Variants in TRDN observed in about 807,000 individuals in gnomAD.
TRDN encodes triadin in skeletal muscle.
Under a neutral mutation model 149.7 loss-of-function variants are expected in TRDN, and 161 were observed. The observed-to-expected ratio is 1.08, with a 90% CI of 0.95 to 1.23. The LOEUF is 1.23. Ranked by LOEUF, TRDN falls within the 50% of genes most tolerant of loss-of-function variation. The pLI is 0.00. For missense variants in TRDN, 896 were observed against 823.5 expected (o/e 1.09, Z -1.08); for synonymous variants, 294 against 250.5 (o/e 1.17, Z -1.64).
At chr6:123,457,929 T>C (rs1776227205) in intron 10 of TRDN, among the ~76,000 whole-genome samples, 1 of 152,180 alleles carries the variant, frequency 6.6e-6, no homozygotes, top group Non-Finnish European at 1.5e-5. Flanking sequence ...TCTTTTTTCT[T>C]CCGAAAGCAC....
intron 20 of TRDN, among the ~76,000 whole-genome samples, chr6:123,355,807 T>A (rs1364955653): frequency 6.6e-6 from 1 of 151,774 alleles, no homozygotes; most frequent in Non-Finnish European, 1.5e-5. Flanking sequence ...TCAAATATGT[T>A]AAAATGTAAG....
chr6:123,544,613 G>A (rs144976438), intron 4 of TRDN, among the ~76,000 whole-genome samples: 32 of 152,028 alleles, frequency 2.1e-4, no homozygotes, highest in East Asian at 1.7e-3. Context: ...AATTTTTTCC[G>A]AAAATGTGAT....
At chr6:123,354,825 T>C (rs1780597872) in intron 20 of TRDN, among the ~76,000 whole-genome samples, 1 of 151,760 alleles carries the variant, frequency 6.6e-6, no homozygotes, top group Non-Finnish European at 1.5e-5. Flanking sequence ...AATAGGACTC[T>C]GGAAGCACAA....
chr6:123,295,970 G>GA (rs1027670202), intron 24 of TRDN, among the ~76,000 whole-genome samples: 558 of 129,958 alleles, frequency 4.3e-3, no homozygotes, highest in Non-Finnish European at 6.6e-3. Flanking sequence ...GTCTCAAACA[G>GA]AAAAAAAAAA....
chr6:123,603,471 T>C (rs1477140595), intron 1 of TRDN, among the ~76,000 whole-genome samples: 1 of 152,122 alleles, frequency 6.6e-6, no homozygotes, highest in Non-Finnish European at 1.5e-5. Flanking sequence ...TGTTTTGTTT[T>C]TATACCATAG....
At chr6:123,462,815 T>C (rs1222134779) in intron 10 of TRDN, 1 of 152,086 alleles carries the variant, frequency 6.6e-6, no homozygotes, top group African/African-American at 2.4e-5. Flanking sequence ...ACTAAATATG[T>C]CCTAGCTCCT....
intron 12 of TRDN, among the ~76,000 whole-genome samples, chr6:123,410,154 T>G (rs1184934530): frequency 6.6e-6 from 1 of 152,182 alleles, no homozygotes; most frequent in Non-Finnish European, 1.5e-5. Flanking sequence ...GTGAAATCAT[T>G]GATGCAGAAT....
intron 1 of TRDN, among the ~76,000 whole-genome samples, chr6:123,634,653 A>T (rs1786198463): frequency 6.6e-6 from 1 of 151,906 alleles, no homozygotes; most frequent in Admixed American, 6.6e-5. Context: ...GTGTGAAAAA[A>T]CTTTGGATAT....
intron 40 of TRDN, among the ~76,000 whole-genome samples, chr6:123,219,264 G>A (rs1235919083): frequency 6.6e-6 from 1 of 151,820 alleles, no homozygotes; most frequent in Non-Finnish European, 1.5e-5. Flanking sequence ...GAGCAACAAA[G>A]GTAGCAGCCA....
rs181775378 is a variant in TRDN at position 123,408,740 on chromosome 6, G to C, written c.1052-15063C>G. 4.0e-5 allele frequency among the ~76,000 whole-genome samples: 6 copies of C among 151,322 alleles called. No individual in the cohort carries two copies. The East Asian group carries it at 1.2e-3, about 29-fold the overall frequency. ...TATAAATTAATTTCCATACTCGACC[G>C]TCCCAGAAGTACCCATTCGAATTCC... On this transcript the variant is annotated intron_variant, in intron 12 of 40. Transcript: ENST00000334268.
intron 25 of TRDN, among the ~76,000 whole-genome samples, 182 bp from the exon 26 acceptor site, chr6:123,278,529 G>A (rs1278675947): frequency 1.3e-5 from 2 of 152,076 alleles, no homozygotes; most frequent in Admixed American, 6.6e-5. Context: ...AAACTAGTAC[G>A]TAACAACAGA....
At chr6:123,304,252 CT>C (rs71649806) in intron 24 of TRDN, among the ~76,000 whole-genome samples, 10,927 of 128,822 alleles carry the variant, frequency 0.085, 1,329 homozygotes, top group African/African-American at 0.27. Context: ...CTTTTATTTT[CT>C]TTTTTTTTTT....
At chr6:123,519,122 T>C (rs964046483) in intron 5 of TRDN, among the ~76,000 whole-genome samples, 3 of 152,158 alleles carry the variant, frequency 2.0e-5, no homozygotes, top group Admixed American at 6.6e-5. Flanking sequence ...ATAAGCTTCT[T>C]GCACCTGCTA....
intron 1 of TRDN, among the ~76,000 whole-genome samples, chr6:123,618,228 T>C (rs1384905001): frequency 1.3e-5 from 2 of 152,190 alleles, no homozygotes; most frequent in Non-Finnish European, 2.9e-5. Flanking sequence ...AAGTCCAACA[T>C]GGGTCTCAAG....
At chr6:123,376,772 T>C (rs1309184824) in intron 18 of TRDN, among the ~76,000 whole-genome samples, 4 of 152,104 alleles carry the variant, frequency 2.6e-5, no homozygotes, top group Non-Finnish European at 5.9e-5. Flanking sequence ...AGACTACAGT[T>C]GGGCCCCTTT....
chr6:123,436,239 TAG>T (rs1393108719), intron 12 of TRDN, among the ~76,000 whole-genome samples: 4 of 152,168 alleles, frequency 2.6e-5, no homozygotes, highest in African/African-American at 9.7e-5. Context: ...CTCAGATTCA[TAG>T]AGTCAGAACT....
chr6:123,228,047 A>G (rs1285737894), intron 38 of TRDN, among the ~76,000 whole-genome samples: 4 of 133,400 alleles, frequency 3.0e-5, no homozygotes, highest in Admixed American at 1.5e-4. Context: ...AATCTCCTAT[A>G]TCAGGGCCTC....
chr6:123,384,279 AAT>A (rs534338435), intron 14 of TRDN, among the ~76,000 whole-genome samples: 2 of 152,262 alleles, frequency 1.3e-5, no homozygotes, highest in East Asian at 3.9e-4. Flanking sequence ...TTGATAGTTC[AAT>A]GTCCGTTTTA....
chr6:123,330,280 T>C (rs1779610257), intron 23 of TRDN, among the ~76,000 whole-genome samples: 1 of 152,084 alleles, frequency 6.6e-6, no homozygotes, highest in South Asian at 2.1e-4. Context: ...TCAACTTACA[T>C]TGTTATATCC....
Sources: gnomAD v4.1 joint callset for allele counts (sites outside exome capture counted in the v4.1 genomes callset) on GRCh38, gnomAD v4.1.1 for gene constraint, MANE v1.5 for transcripts, NCBI Gene and HGNC (gene_info 2026-07-23, HGNC 2026-07-21) for gene names.